Variants in KCNT2 observed in about 807,000 individuals in gnomAD.
The protein encoded by KCNT2 is potassium channel subfamily T member 2.
In KCNT2, 67 loss-of-function variants were observed where a neutral mutation model predicts 153.8. That is an observed-to-expected ratio of 0.44 (90% CI 0.36 to 0.53). KCNT2 has a LOEUF of 0.53. KCNT2 is among the 20% of genes least tolerant of loss of function. KCNT2 has a pLI of 0.00. For missense variants in KCNT2, 975 were observed against 1,354.8 expected (o/e 0.72, Z 4.40); for synonymous variants, 500 against 458.8 (o/e 1.09, Z -1.15).
intron 22 of KCNT2, among the ~76,000 whole-genome samples, chr1:196,301,458 A>G (rs1253817761): frequency 6.6e-6 from 1 of 152,198 alleles, no homozygotes; most frequent in Admixed American, 6.5e-5. Context: ...TATCCCCTAC[A>G]GTAGATATTC....
At chr1:196,580,649 A>T (rs1417543624) in intron 1 of KCNT2, among the ~76,000 whole-genome samples, 2 of 152,188 alleles carry the variant, frequency 1.3e-5, no homozygotes, top group African/African-American at 4.8e-5. Flanking sequence ...ATATGCATAC[A>T]TGGTATTGCT....
intron 8 of KCNT2, among the ~76,000 whole-genome samples, chr1:196,461,389 A>G (rs963681214): frequency 9.9e-5 from 15 of 151,784 alleles, no homozygotes; most frequent in Non-Finnish European, 2.1e-4. Flanking sequence ...AGGAAATTAT[A>G]ACATTGAACT....
chr1:196,352,034 C>CT (rs765517753), intron 14 of KCNT2, among the ~76,000 whole-genome samples: 7 of 152,144 alleles, frequency 4.6e-5, no homozygotes, highest in Non-Finnish European at 7.3e-5. Context: ...TTGAACCAGC[C>CT]TTGCATCCCA....
At chr1:196,242,836 C>A (rs1177236385) in intron 26 of KCNT2, among the ~76,000 whole-genome samples, 1 of 152,134 alleles carries the variant, frequency 6.6e-6, no homozygotes, top group Non-Finnish European at 1.5e-5. Context: ...CTATAAGTTA[C>A]TGTAAACTTC....
chr1:196,303,187 C>A (rs892821758), intron 22 of KCNT2, among the ~76,000 whole-genome samples: 4 of 152,046 alleles, frequency 2.6e-5, no homozygotes, highest in African/African-American at 9.7e-5. Flanking sequence ...AACCTCTAGC[C>A]AGTTTTGCAT....
chr1:196,352,153 G>T (rs796564292), intron 14 of KCNT2, among the ~76,000 whole-genome samples: 21 of 151,878 alleles, frequency 1.4e-4, no homozygotes, highest in African/African-American at 4.8e-4. Flanking sequence ...CAAGGATATT[G>T]GTCTAAAATT....
intron 1 of KCNT2, among the ~76,000 whole-genome samples, chr1:196,502,583 C>A (rs992118878): frequency 6.6e-5 from 10 of 151,928 alleles, no homozygotes; most frequent in Admixed American, 5.2e-4. Flanking sequence ...TATGAATAGC[C>A]CCTCAATAAC....
intron 26 of KCNT2, chr1:196,257,586 A>G (rs1306017169): frequency 1.1e-6 from 1 of 925,700 alleles, no homozygotes; most frequent in Non-Finnish European, 1.3e-6. Flanking sequence ...GTATAATTGC[A>G]TTATTTAAGC....
intron 5 of KCNT2, 132 bp downstream of exon 5, chr1:196,479,047 G>A (rs1035613898): frequency 1.6e-6 from 1 of 636,244 alleles, no homozygotes; most frequent in African/African-American, 1.9e-5. Context: ...ATCAGCTACT[G>A]GAGCGGCTCA....
rs559088125 is a variant in KCNT2 at position 196,406,344 on chromosome 1, T to C, written c.1186-7673A>G. On this transcript the variant is annotated intron_variant, in intron 12 of 27. Coordinates refer to ENST00000294725, the MANE Select transcript of KCNT2 (RefSeq NM_198503.5). ...AGAGAAGTATGCTTCAAATTTGATA[T>C]ATACTTATTTTAAATACAAAAATAA... is the stretch of plus-strand genomic sequence containing the variant. 5.3e-5 allele frequency among the ~76,000 whole-genome samples: 8 copies of C among 151,620 alleles called. No homozygotes were observed. The South Asian group carries it at 1.0e-3, about 20-fold the overall frequency.
chr1:196,341,948 G>C, intron 15 of KCNT2, 131 bp downstream of exon 15: 1 of 792,894 alleles, frequency 1.3e-6, no homozygotes, highest in Non-Finnish European at 1.9e-6. Context: ...TCAACATTGG[G>C]GAATATTGTG....
intron 25 of KCNT2, among the ~76,000 whole-genome samples, chr1:196,280,455 C>T (rs958420121): frequency 1.3e-5 from 2 of 152,172 alleles, no homozygotes; most frequent in African/African-American, 4.8e-5. Context: ...CTTTGCTTTG[C>T]TTCCTTCAAA....
At chr1:196,554,147 C>T (rs375031320) in intron 1 of KCNT2, among the ~76,000 whole-genome samples, 1 of 150,668 alleles carries the variant, frequency 6.6e-6, no homozygotes, top group East Asian at 1.9e-4. Context: ...ATTAGTAGAC[C>T]ATAAGAAATA....
chr1:196,485,184 A>G (rs955055882), intron 3 of KCNT2, among the ~76,000 whole-genome samples: 1 of 152,022 alleles, frequency 6.6e-6, no homozygotes. Context: ...TCCTCAGCAA[A>G]CTAACATAGG....
rs1240398019 is a variant in KCNT2 at position 196,441,382 on chromosome 1, T to C, written c.639-11625A>G. On this transcript the variant is annotated intron_variant, in intron 8 of 27. Transcript: ENST00000294725. ...TAAGTCTCATTTTAACAAAATATTC[T>C]CCATTTTGAATAGCTATCTTAATTT... Among the ~76,000 whole-genome samples, 4 of 150,722 alleles carry C rather than the reference T, an allele frequency of 2.7e-5. No homozygotes were observed. In the East Asian group the frequency reaches 7.8e-4, roughly 30 times the overall value.
intron 22 of KCNT2, among the ~76,000 whole-genome samples, chr1:196,304,211 C>T (rs1231686261): frequency 6.6e-6 from 1 of 152,102 alleles, no homozygotes; most frequent in Non-Finnish European, 1.5e-5. Flanking sequence ...CACAACCTTA[C>T]TCAACAATAT....
chr1:196,489,578 T>C (rs576023291), intron 3 of KCNT2, among the ~76,000 whole-genome samples: 2 of 152,050 alleles, frequency 1.3e-5, no homozygotes, highest in Admixed American at 6.6e-5. Flanking sequence ...CAAAAACTAC[T>C]TAATGCACTT....
At chr1:196,564,901 T>A (rs888717302) in intron 1 of KCNT2, among the ~76,000 whole-genome samples, 2 of 151,846 alleles carry the variant, frequency 1.3e-5, no homozygotes. Flanking sequence ...AAAAGCTCCA[T>A]GGCCTTTGTT....
At chr1:196,233,725 G>C (rs1350438339) in intron 27 of KCNT2, among the ~76,000 whole-genome samples, 3 of 151,400 alleles carry the variant, frequency 2.0e-5, no homozygotes, top group African/African-American at 7.3e-5. Flanking sequence ...ATGAAATTCT[G>C]TCATTTGCAG....
Sources: allele counts gnomAD v4.1 joint callset (sites outside exome capture counted in the v4.1 genomes callset), GRCh38; gene constraint gnomAD v4.1.1; transcripts MANE v1.5; gene names NCBI Gene and HGNC (gene_info 2026-07-23, HGNC 2026-07-21).